Variants in LGR4 observed in about 807,000 individuals in gnomAD.
The protein encoded by LGR4 is leucine rich repeat containing G protein-coupled receptor 4.
A neutral mutation model predicts 84.8 loss-of-function variants in LGR4; 44 were observed. That is an observed-to-expected ratio of 0.52 (90% CI 0.41 to 0.67). The LOEUF (loss-of-function observed/expected upper bound fraction) is 0.67, where lower values mean the gene tolerates loss of function less well. Among genes scored for constraint, LGR4 ranks in the 30% least tolerant of loss-of-function variants. The pLI, the probability that LGR4 is intolerant of heterozygous loss-of-function variation, is 0.00. For synonymous variants in LGR4, 429 were observed against 434.3 expected (o/e 0.99, Z 0.15); for missense variants, 1,032 against 1,131.4 (o/e 0.91, Z 1.26).
At chr11:27,466,146 T>A (rs1429125227) in intron 1 of LGR4, among the ~76,000 whole-genome samples, 6 of 152,196 alleles carry the variant, frequency 3.9e-5, no homozygotes, top group Non-Finnish European at 8.8e-5. Context: ...ATACTCTAAG[T>A]TACATTACTT....
intron 1 of LGR4, among the ~76,000 whole-genome samples, chr11:27,423,043 C>G (rs1031858571): frequency 1.3e-5 from 2 of 151,834 alleles, no homozygotes; most frequent in African/African-American, 4.8e-5. Flanking sequence ...TTATACATAA[C>G]CTGATAAAAC....
At chr11:27,402,596 CT>C (rs1863525044) in intron 2 of LGR4, among the ~76,000 whole-genome samples, 1 of 152,178 alleles carries the variant, frequency 6.6e-6, no homozygotes. Flanking sequence ...AACTACTCTT[CT>C]TTTCTTACCT....
intron 1 of LGR4, among the ~76,000 whole-genome samples, chr11:27,436,371 AAGAG>A (rs543548414): frequency 0.025 from 3,564 of 139,888 alleles, 138 homozygotes; most frequent in African/African-American, 0.092. Flanking sequence ...GAAAGAAAGA[AAGAG>A]AGAGAGAGAG....
intron 1 of LGR4, among the ~76,000 whole-genome samples, chr11:27,453,070 G>A (rs1435886808): frequency 1.3e-5 from 2 of 150,958 alleles, no homozygotes; most frequent in African/African-American, 2.4e-5. Context: ...ATGGGGTAGG[G>A]AGAAACCTTT....
intron 4 of LGR4, among the ~76,000 whole-genome samples, chr11:27,387,230 T>C (rs1017786662): frequency 3.9e-5 from 6 of 152,154 alleles, no homozygotes; most frequent in South Asian, 2.1e-4. Flanking sequence ...AAGGATAAAA[T>C]AGTTAACACA....
chr11:27,391,104 A>C lies in LGR4; in HGVS notation c.391T>G (p.Leu131Val), dbSNP rs747930921. 1 of 1,604,242 alleles carries C rather than the reference A, an allele frequency of 6.2e-7. No homozygotes were observed. The highest frequency in any genetic ancestry group is 1.7e-5 in the Admixed American group (1 of 59,226). The change falls in exon 4 of 18, where the codon TTG becomes GTG. Residue 131 changes from leucine (L) to valine (V), a missense_variant. Coordinates refer to ENST00000379214, the MANE Select transcript of LGR4 (RefSeq NM_018490.5). ...PSEAIRGLSA[L>V]QSLRLDANHI... ...CAAGAAGTTACTTACAAAGACTGCAAAGCACTCAGCCCTCGAATGGCTTCA... is the reference window on the plus strand; with the variant it reads ...CAAGAAGTTACTTACAAAGACTGCACAGCACTCAGCCCTCGAATGGCTTCA...
intron 2 of LGR4, among the ~76,000 whole-genome samples, chr11:27,397,412 A>G (rs1458889427): frequency 6.6e-6 from 1 of 152,150 alleles, no homozygotes; most frequent in Non-Finnish European, 1.5e-5. Flanking sequence ...AGCAGGGACT[A>G]GGTCATCTTT....
chr11:27,422,816 C>T (rs1424439371), intron 1 of LGR4, among the ~76,000 whole-genome samples: 1 of 152,088 alleles, frequency 6.6e-6, no homozygotes, highest in Non-Finnish European at 1.5e-5. Context: ...GTGACATGGG[C>T]CCCCTAAAAC....
intron 1 of LGR4, among the ~76,000 whole-genome samples, chr11:27,431,585 TC>T (rs1241080672): frequency 1.3e-5 from 2 of 152,194 alleles, no homozygotes; most frequent in Non-Finnish European, 2.9e-5. Flanking sequence ...TTTTTCATCG[TC>T]CCCCAAAGAC....
rs530070479 is a variant in LGR4 at position 27,425,705 on chromosome 11, T to C, written c.186-12845A>G. ...GTAAATGAACTGACCATCCCACTAA[T>C]AGCAGTAGATATGGCTGAATGAAGT... On this transcript the variant is annotated intron_variant, in intron 1 of 17. Coordinates refer to ENST00000379214, the MANE Select transcript of LGR4 (RefSeq NM_018490.5). 2.6e-5 allele frequency among the ~76,000 whole-genome samples: 4 copies of C among 152,270 alleles called. No individual in the cohort carries two copies. The South Asian group carries it at 8.3e-4, about 32-fold the overall frequency.
chr11:27,384,274 T>G (rs1565074029), intron 6 of LGR4, 62 bp downstream of exon 6: 1 of 1,066,926 alleles, frequency 9.4e-7, no homozygotes, highest in Non-Finnish European at 1.4e-6. Flanking sequence ...TTTTCTGCAG[T>G]GAAGTATAAA....
intron 1 of LGR4, among the ~76,000 whole-genome samples, chr11:27,462,628 T>TG (rs983491800): frequency 4.6e-5 from 7 of 152,142 alleles, no homozygotes; most frequent in Admixed American, 1.3e-4. Context: ...GAATTTTAAT[T>TG]CACTGTTATA....
At chr11:27,430,703 T>G (rs1218025583) in intron 1 of LGR4, among the ~76,000 whole-genome samples, 2 of 152,124 alleles carry the variant, frequency 1.3e-5, no homozygotes, top group Non-Finnish European at 2.9e-5. Context: ...AGCCTTCTGT[T>G]TGGTCTCCCT....
intron 2 of LGR4, among the ~76,000 whole-genome samples, chr11:27,404,622 A>G (rs1863567610): frequency 1.3e-5 from 2 of 152,064 alleles, no homozygotes; most frequent in Non-Finnish European, 2.9e-5. Flanking sequence ...TCCTATTAGG[A>G]TGAGTCCAAA....
In LGR4 at chr11:27,368,180, T is replaced by C. The variant is rs1862804955; in HGVS notation, c.2543A>G (p.Tyr848Cys). The C allele has an allele frequency of 1.2e-6, 2 of 1,614,216 alleles. No individual in the cohort carries two copies. The highest frequency in any genetic ancestry group is 1.7e-6 in the Non-Finnish European group (2 of 1,180,042). ...AGTCAGGTTGCCCTGCAAATGTGAG[T>C]ACATGCCACAGTCGTAGTAGAAATC... The part of the protein sequence containing the change: ...EQDFYYDCGM[Y>C]SHLQGNLTVC... Residue 848 changes from tyrosine (Y) to cysteine (C), a missense_variant, in exon 18 of 18, where the codon TAC (tyrosine) becomes TGC (cysteine). Coordinates refer to ENST00000379214, the MANE Select transcript of LGR4 (RefSeq NM_018490.5).
At chr11:27,422,288 T>C (rs550594585) in intron 1 of LGR4, among the ~76,000 whole-genome samples, 1 of 152,360 alleles carries the variant, frequency 6.6e-6, no homozygotes, top group Admixed American at 6.5e-5. Context: ...TGTTTTATTA[T>C]GGCTACACTT....
At chr11:27,447,857 T>A (rs1345546360) in intron 1 of LGR4, among the ~76,000 whole-genome samples, 1 of 152,226 alleles carries the variant, frequency 6.6e-6, no homozygotes, top group Non-Finnish European at 1.5e-5. Flanking sequence ...AGTCTTTAAA[T>A]TTTTAAAAAT....
chr11:27,463,549 GCTGAGGCGGGCGGATCA>G (rs1442380608), intron 1 of LGR4, among the ~76,000 whole-genome samples: 1 of 152,114 alleles, frequency 6.6e-6, no homozygotes. Flanking sequence ...ACTTTGGGAG[GCTGAGGCGGGCGGATCA>G]CCTGAGCTCA....
intron 1 of LGR4, among the ~76,000 whole-genome samples, chr11:27,430,872 C>T (rs1026905189): frequency 1.2e-4 from 18 of 152,058 alleles, no homozygotes; most frequent in Non-Finnish European, 2.2e-4. Flanking sequence ...CCAACATCAT[C>T]TCAAATCATC....
Sources: gnomAD v4.1 joint callset for allele counts (sites outside exome capture counted in the v4.1 genomes callset) on GRCh38, gnomAD v4.1.1 for gene constraint, MANE v1.5 for transcripts, NCBI Gene and HGNC (gene_info 2026-07-23, HGNC 2026-07-21) for gene names.